The following DIDO1 variants were observed in gnomAD, a reference collection of about 807,000 sequenced individuals.
DIDO1 encodes death inducer-obliterator 1.
In DIDO1, 16 loss-of-function variants were observed where a neutral mutation model predicts 99.4. The ratio of observed to expected loss-of-function variants is 0.16; its 90% confidence interval spans 0.11 to 0.24. DIDO1 has a LOEUF of 0.24. Among genes scored for constraint, DIDO1 ranks in the 10% least tolerant of loss-of-function variants. The pLI, the probability that DIDO1 is intolerant of heterozygous loss-of-function variation, is 1.00. For synonymous variants in DIDO1, 1,366 were observed against 1,239.1 expected (o/e 1.10, Z -2.15); for missense variants, 2,996 against 3,014.0 (o/e 0.99, Z 0.14).
intron 6 of DIDO1, among the ~76,000 whole-genome samples, chr20:62,903,004 A>G (rs1209022492): frequency 6.6e-6 from 1 of 152,194 alleles, no homozygotes; most frequent in Non-Finnish European, 1.5e-5. Flanking sequence ...TTTCCAACTG[A>G]CTTCATGCCT....
At chr20:62,891,242 C>A in intron 14 of DIDO1, 87 bp from the exon 15 acceptor site, 1 of 1,576,766 alleles carries the variant, frequency 6.3e-7, no homozygotes. Flanking sequence ...CAACAGGAAA[C>A]CTTGTCAGAT....
upstream of DIDO1, among the ~76,000 whole-genome samples, chr20:62,930,066 C>T (rs1668106369): frequency 6.6e-6 from 1 of 151,910 alleles, no homozygotes; most frequent in African/African-American, 2.4e-5. Flanking sequence ...ATGGTGAAAC[C>T]CCATCTCTAC....
At chr20:62,882,502 G>T in intron 15 of DIDO1, 88 bp from the exon 16 acceptor site, 1 of 1,293,062 alleles carries the variant, frequency 7.7e-7, no homozygotes, top group Non-Finnish European at 1.1e-6. Flanking sequence ...CTTTCACGGG[G>T]AACGTTTAAT....
chr20:62,930,623 G>A (rs973258600), upstream of DIDO1, among the ~76,000 whole-genome samples: 1 of 152,198 alleles, frequency 6.6e-6, no homozygotes, highest in East Asian at 1.9e-4. Flanking sequence ...TGAGATGGGA[G>A]GAGGGCATCA....
chr20:62,931,541 T>C (rs1001187182), intron 1 of DIDO1, among the ~76,000 whole-genome samples: 2 of 152,132 alleles, frequency 1.3e-5, no homozygotes, highest in Admixed American at 1.3e-4. Context: ...TGTACCCAAA[T>C]AGGACATTTA....
Position 62,881,231 on chromosome 20 carries a change from C to G in DIDO1, c.4725G>C (p.Gly1575=). Reference sequence around the variant, plus strand: ...GTGCCGAGAGCCTGGAGAGAGGCTCCCCCTCCCCCTCACCGGTCTCAGTGG... The same window carrying G: ...GTGCCGAGAGCCTGGAGAGAGGCTCGCCCTCCCCCTCACCGGTCTCAGTGG... The part of the protein sequence containing the change: ...RLATETGEGE[G]EPLSRLSARG... The change falls in exon 16 of 16, where the codon GGG becomes GGC. Residue 1575 remains glycine (G), a synonymous_variant. Coordinates refer to ENST00000395343, the MANE Select transcript of DIDO1 (RefSeq NM_001193369.2). The surrounding 1 kb of genome is among the most constrained non-coding windows in gnomAD (Gnocchi z 8.3). 1 of 1,602,838 alleles carries G rather than the reference C, an allele frequency of 6.2e-7. No homozygotes were observed. The highest frequency in any genetic ancestry group is 8.5e-7 in the Non-Finnish European group (1 of 1,177,196).
chr20:62,887,952 TGGACAAATCATTAAGATATGCAA>T (rs2064323663), intron 15 of DIDO1: 1 of 985,464 alleles, frequency 1.0e-6, no homozygotes, highest in South Asian at 4.7e-5. Flanking sequence ...GGTGTTTCTG[TGGACAAATCATTAAGATATGCAA>T]GGACAAATGT....
At chr20:62,897,768 T>C (rs778331608) in intron 6 of DIDO1, among the ~76,000 whole-genome samples, 3 of 152,172 alleles carry the variant, frequency 2.0e-5, no homozygotes, top group Non-Finnish European at 4.4e-5. Context: ...TATAACCCCA[T>C]GTGAGATCGT....
At chr20:62,937,494 C>T (rs1233786869) in intron 1 of DIDO1, among the ~76,000 whole-genome samples, 1 of 152,268 alleles carries the variant, frequency 6.6e-6, no homozygotes, top group Non-Finnish European at 1.5e-5. Context: ...TCGGCGTAGC[C>T]CATGGGAGGC....
At chr20:62,905,500 T>C (rs2064781098) in intron 6 of DIDO1, 3 of 1,550,734 alleles carry the variant, frequency 1.9e-6, no homozygotes, top group African/African-American at 1.4e-5. Context: ...ACAGCGCTGT[T>C]GTCAGAACAA....
chr20:62,888,423 G>T (rs1400499665), intron 15 of DIDO1: 1 of 985,402 alleles, frequency 1.0e-6, no homozygotes, highest in Admixed American at 6.1e-5. Flanking sequence ...TGCTGCATGT[G>T]CCGCAGAGAA....
At chr20:62,882,542 T>C in intron 15 of DIDO1, 128 bp from the exon 16 acceptor site, 1 of 927,272 alleles carries the variant, frequency 1.1e-6, no homozygotes, top group Non-Finnish European at 1.6e-6. Flanking sequence ...TGTGGCAAAA[T>C]AAGATCAAGT....
chr20:62,892,193 G>A (rs972957414), intron 13 of DIDO1, 117 bp from the exon 14 acceptor site: 3 of 847,192 alleles, frequency 3.5e-6, no homozygotes, highest in Non-Finnish European at 5.4e-6. Flanking sequence ...GCTATTCCAA[G>A]GAAAAGAGTC....
At chr20:62,928,404 C>A (rs1163683452), upstream of DIDO1, among the ~76,000 whole-genome samples, 1 of 152,188 alleles carries the variant, frequency 6.6e-6, no homozygotes, top group African/African-American at 2.4e-5. Context: ...ACCTGCCTCT[C>A]GTTCTCATCT....
intron 6 of DIDO1, among the ~76,000 whole-genome samples, chr20:62,900,766 G>A (rs930972879): frequency 3.9e-5 from 6 of 152,216 alleles, no homozygotes; most frequent in African/African-American, 1.4e-4. Flanking sequence ...GGAAGCTGGG[G>A]CACTCAGACC....
chr20:62,881,235 TC>T lies in DIDO1; in HGVS notation c.4720del (p.Glu1574ArgfsTer290). ...RRLATETGEGEGEPLSRLSAR... is the reference protein window; with the variant it reads ...RRLATETGEGXGEPLSRLSAR... ...CGAGAGCCTGGAGAGAGGCTCCCCC[TC>T]CCCCTCACCGGTCTCAGTGGCCAGG... On this transcript the variant is annotated frameshift_variant, in exon 16 of 16. Coordinates refer to ENST00000395343, the MANE Select transcript of DIDO1 (RefSeq NM_001193369.2). LOFTEE classifies it low-confidence loss of function (END_TRUNC). This position sits in a 1 kb window ranked among gnomAD's most constrained non-coding sequence, Gnocchi z 8.3. 1 of 1,601,030 alleles carries T rather than the reference TC, an allele frequency of 6.2e-7. No homozygotes were observed.
At chr20:62,921,937 T>C (rs560149666) in intron 1 of DIDO1, among the ~76,000 whole-genome samples, 25 of 150,358 alleles carry the variant, frequency 1.7e-4, no homozygotes, top group African/African-American at 5.9e-4. Flanking sequence ...GTCCAAAATA[T>C]ATATACACTA....
At chr20:62,920,208 GC>G (rs368099811) in intron 1 of DIDO1, among the ~76,000 whole-genome samples, 29 of 152,284 alleles carry the variant, frequency 1.9e-4, no homozygotes, top group Middle Eastern at 3.4e-3. Context: ...TGAGTGGGGT[GC>G]GCTGCGGGAG....
intron 1 of DIDO1, among the ~76,000 whole-genome samples, chr20:62,920,369 T>TC: frequency 6.6e-6 from 1 of 152,056 alleles, no homozygotes; most frequent in East Asian, 1.9e-4. Flanking sequence ...TACTCTTGCC[T>TC]CCCCCCAACC....
Sources: gnomAD v4.1 joint callset for allele counts (sites outside exome capture counted in the v4.1 genomes callset) on GRCh38, gnomAD v4.1.1 for gene constraint, Gnocchi (gnomAD v3.1) non-coding constraint, MANE v1.5 for transcripts, NCBI Gene and HGNC (gene_info 2026-07-23, HGNC 2026-07-21) for gene names.